The following AGO3 variants were observed in gnomAD, a reference collection of about 807,000 sequenced individuals.
The protein encoded by AGO3 is argonaute RISC catalytic component 3.
A neutral mutation model predicts 105.5 loss-of-function variants in AGO3; 16 were observed. The observed-to-expected ratio is 0.15, with a 90% CI of 0.10 to 0.23. The LOEUF is 0.23. Among genes scored for constraint, AGO3 ranks in the 10% least tolerant of loss-of-function variants. The probability of loss-of-function intolerance (pLI) is 1.00; values close to 1 mark genes in which losing one functional copy is unlikely to be tolerated. For synonymous variants in AGO3, 340 were observed against 367.3 expected, an observed-to-expected ratio of 0.93 and a Z score of 0.85; for missense variants, 534 against 1,088.0, an observed-to-expected ratio of 0.49 and a Z score of 7.16.
intron 2 of AGO3, 65 bp from the exon 3 acceptor site, chr1:35,966,890 T>A (rs1230745600): frequency 6.6e-7 from 1 of 1,507,124 alleles, no homozygotes; most frequent in Admixed American, 2.2e-5. Flanking sequence ...AGAAATTACT[T>A]CTGTTAATAT....
chr1:36,020,470 A>G (rs2148826348), intron 11 of AGO3, among the ~76,000 whole-genome samples: 1 of 152,294 alleles, frequency 6.6e-6, no homozygotes, highest in Admixed American at 6.5e-5. Context: ...CTCAGTCCAA[A>G]CGATATGATC....
intron 17 of AGO3, among the ~76,000 whole-genome samples, chr1:36,049,788 T>G (rs1642627511): frequency 6.6e-6 from 1 of 152,216 alleles, no homozygotes; most frequent in Admixed American, 6.5e-5. Flanking sequence ...AAACAGACTT[T>G]AAGTCAAAAA....
chr1:36,040,374 G>C lies in AGO3; in HGVS notation c.2105G>C (p.Gly702Ala). 1 of 1,613,884 alleles carries C rather than the reference G, an allele frequency of 6.2e-7. No homozygotes were observed. Among genetic ancestry groups the C allele is most frequent in the Non-Finnish European group, 8.5e-7 (1 of 1,179,886 alleles). Residue 702 changes from glycine (G) to alanine (A), a missense_variant, in exon 16 of 19, where the codon GGA becomes GCA. Coordinates refer to ENST00000373191, the MANE Select transcript of AGO3 (RefSeq NM_024852.4). ...AGTTTGGAGAAAGACTATCAACCTGGAATAACCTACATTGTAGTTCAGAAG... is the reference window on the plus strand; with the variant it reads ...AGTTTGGAGAAAGACTATCAACCTGCAATAACCTACATTGTAGTTCAGAAG... ...CISLEKDYQP[G>A]ITYIVVQKRH...
rs554066466 is a variant in AGO3, at chr1:36,061,791, G to A, written c.*6046G>A. On this transcript the variant is annotated 3_prime_UTR_variant, in exon 19 of 19. Coordinates refer to ENST00000373191, the MANE Select transcript of AGO3 (RefSeq NM_024852.4). Reference sequence around the variant, plus strand: ...AAGTGCCTTTTCAGAAGATGGTGCTGTAGATTTTTATTTTTCAAGTAGCAC... The same window carrying A: ...AAGTGCCTTTTCAGAAGATGGTGCTATAGATTTTTATTTTTCAAGTAGCAC... The A allele has an allele frequency of 6.6e-6, 1 of 152,270 alleles. No individual in the cohort carries two copies. The highest frequency in any genetic ancestry group is 2.4e-5 in the African/African-American group (1 of 41,554). The allele number at this position is 152,270 out of a possible 1,614,324, so 9.4% of individuals were successfully genotyped here.
In AGO3 at chr1:36,069,327, C is replaced by T. The variant is rs1643132475; in HGVS notation, c.*13582C>T. ...ACATGTTGCCAAGGCTGATCTCTAA[C>T]TCCTGAGCTCAAGCAGTCCTCCTGC... On this transcript the variant is annotated 3_prime_UTR_variant, in exon 19 of 19. Coordinates refer to ENST00000373191, the MANE Select transcript of AGO3 (RefSeq NM_024852.4). 1 of 152,252 alleles carries T rather than the reference C, an allele frequency of 6.6e-6. No homozygotes were observed. Among genetic ancestry groups the T allele is most frequent in the Non-Finnish European group, 1.5e-5 (1 of 68,060 alleles). 9.4% of individuals were successfully genotyped at this position (152,252 alleles called of 1,614,324 possible). A position where few individuals can be genotyped will look rare whatever the true frequency, so the allele number is the denominator to read the frequency against.
intron 1 of AGO3, among the ~76,000 whole-genome samples, chr1:35,934,614 G>T (rs1179285168): frequency 6.6e-6 from 1 of 152,086 alleles, no homozygotes; most frequent in African/African-American, 2.4e-5. Flanking sequence ...TGCCATCAGG[G>T]TCCCAATTTA....
intron 2 of AGO3, among the ~76,000 whole-genome samples, chr1:35,948,049 A>G (rs7526862): frequency 0.14 from 21,459 of 152,006 alleles, 3,568 homozygotes; most frequent in East Asian, 0.68. Context: ...CCGGGGCAAC[A>G]TAGTGAGACC....
intron 3 of AGO3, among the ~76,000 whole-genome samples, chr1:35,971,687 CATA>C (rs1333120594): frequency 6.6e-6 from 1 of 152,044 alleles, no homozygotes; most frequent in Non-Finnish European, 1.5e-5. Context: ...CAAAAGATGT[CATA>C]ATATTTGTAA....
chr1:35,931,577 G>C, intron 1 of AGO3, 132 bp downstream of exon 1: 2 of 1,024,184 alleles, frequency 2.0e-6, no homozygotes. Flanking sequence ...CCCGCCCCTC[G>C]CCCTGCTCCT....
chr1:36,062,461 T>G lies in AGO3; in HGVS notation c.*6716T>G, dbSNP rs1325783966. 6.6e-6 allele frequency: 1 copy of G among 152,220 alleles called. No homozygotes were observed. The highest frequency in any genetic ancestry group is 1.5e-5 in the Non-Finnish European group (1 of 68,040). 9.4% of individuals were successfully genotyped at this position (152,220 alleles called of 1,614,324 possible). ...TTCTTTTCTAGACACCAAGGAATAT[T>G]TTAAATGATTTTTTATTTTTTCTAG... On this transcript the variant is annotated 3_prime_UTR_variant, in exon 19 of 19. Coordinates refer to ENST00000373191, the MANE Select transcript of AGO3 (RefSeq NM_024852.4).
intron 11 of AGO3, among the ~76,000 whole-genome samples, chr1:36,016,609 A>G (rs989585076): frequency 2.0e-5 from 3 of 151,432 alleles, no homozygotes; most frequent in Admixed American, 6.6e-5. Context: ...TTTTTTTTTA[A>G]TGGATTGGCA....
chr1:35,977,791 A>G (rs1200475198), intron 5 of AGO3, among the ~76,000 whole-genome samples: 2 of 151,934 alleles, frequency 1.3e-5, no homozygotes. Flanking sequence ...TTTTTCAGGT[A>G]GTGAAATTCA....
At chr1:36,054,813 T>C (rs1642861699) in intron 17 of AGO3, 133 bp from the exon 18 acceptor site, 2 of 759,128 alleles carry the variant, frequency 2.6e-6, no homozygotes, top group African/African-American at 1.7e-5. Context: ...GCCCCAGAGG[T>C]GGAGGTTGCA....
chr1:35,997,624 C>T (rs927782614), intron 5 of AGO3, among the ~76,000 whole-genome samples: 11 of 152,156 alleles, frequency 7.2e-5, no homozygotes, highest in African/African-American at 2.4e-4. Flanking sequence ...AAAGCATTTT[C>T]GCCTTAACGA....
At chr1:35,966,277 C>G (rs1057277232) in intron 2 of AGO3, among the ~76,000 whole-genome samples, 4 of 152,184 alleles carry the variant, frequency 2.6e-5, no homozygotes, top group African/African-American at 4.8e-5. Context: ...TATATCCTTT[C>G]AGTTTCTCTG....
chr1:35,979,840 A>G (rs1379810263), intron 5 of AGO3, among the ~76,000 whole-genome samples: 1 of 151,926 alleles, frequency 6.6e-6, no homozygotes, highest in East Asian at 1.9e-4. Context: ...GTATATCTTG[A>G]TGACAGCATA....
intron 11 of AGO3, among the ~76,000 whole-genome samples, chr1:36,026,755 A>G (rs1054460639): frequency 5.3e-5 from 8 of 152,192 alleles, no homozygotes; most frequent in Non-Finnish European, 1.0e-4. Flanking sequence ...AGTTGAAGCA[A>G]TCCTTTTACA....
intron 2 of AGO3, among the ~76,000 whole-genome samples, chr1:35,964,178 GGTTT>G (rs1646731725): frequency 6.6e-6 from 1 of 152,020 alleles, no homozygotes; most frequent in South Asian, 2.1e-4. Context: ...TATATGTACA[GGTTT>G]GTTATATAGG....
At chr1:35,931,818 C>G (rs1646055450) in intron 1 of AGO3, among the ~76,000 whole-genome samples, 1 of 152,264 alleles carries the variant, frequency 6.6e-6, no homozygotes, top group Admixed American at 6.5e-5. Flanking sequence ...AGCCAGCTCC[C>G]TTACCTACCT....
Sources: gnomAD v4.1 joint callset for allele counts (sites outside exome capture counted in the v4.1 genomes callset) on GRCh38, gnomAD v4.1.1 for gene constraint, MANE v1.5 for transcripts, NCBI Gene and HGNC (gene_info 2026-07-23, HGNC 2026-07-21) for gene names.